SLC37A3: variants seen among roughly 807,000 people sequenced by gnomAD.
SLC37A3 encodes the protein solute carrier family 37 member 3.
SLC37A3 carries 51 observed loss-of-function variants against 67.1 expected under a neutral mutation model. The ratio of observed to expected loss-of-function variants is 0.76; its 90% CI spans 0.61 to 0.96. The LOEUF is 0.96. Ranked by LOEUF, SLC37A3 falls within the 40% of genes least tolerant of loss-of-function variation. SLC37A3 has a pLI of 0.00. For synonymous variants in SLC37A3, 214 were observed against 231.4 expected, an observed-to-expected ratio of 0.92 and a Z score of 0.68; for missense variants, 508 against 603.0, an observed-to-expected ratio of 0.84 and a Z score of 1.65.
At chr7:140,347,168 T>G (rs957950608) in intron 10 of SLC37A3, among the ~76,000 whole-genome samples, 1 of 151,226 alleles carries the variant, frequency 6.6e-6, no homozygotes, top group Non-Finnish European at 1.5e-5. Flanking sequence ...GGAGGATCGC[T>G]TGAGCCCAGG....
At chr7:140,386,387 C>G (rs1481838879) in intron 1 of SLC37A3, among the ~76,000 whole-genome samples, 1 of 151,768 alleles carries the variant, frequency 6.6e-6, no homozygotes, top group African/African-American at 2.4e-5. Context: ...TTTAAACATT[C>G]ACCTGCTGTG....
chr7:140,343,291 G>T, intron 13 of SLC37A3, 121 bp downstream of exon 13: 1 of 1,387,072 alleles, frequency 7.2e-7, no homozygotes, highest in Non-Finnish European at 1.0e-6. Context: ...AAGTCCTTGG[G>T]CTCTGGGAAC....
chr7:140,362,565 G>A (rs1203118672), intron 5 of SLC37A3, among the ~76,000 whole-genome samples: 6 of 105,052 alleles, frequency 5.7e-5, no homozygotes, highest in Non-Finnish European at 8.0e-5. Context: ...TCAGCCCCCC[G>A]CCCGGCCAGC....
rs1585274110 is a variant in SLC37A3 at position 140,351,281 on chromosome 7, C to G, written c.874G>C (p.Val292Leu). The change falls in exon 9 of 15, where the codon GTC (valine) becomes CTC (leucine). Residue 292 changes from valine (V) to leucine (L), a missense_variant. Val to Leu is a conservative substitution (Grantham distance 32, BLOSUM62 1). Coordinates refer to ENST00000326232, the MANE Select transcript of SLC37A3 (RefSeq NM_207113.3). ...SFYQACCLPG[V>L]IPYSLAYACL... ...ATGTAAGCGGTCCTTACCGGTATGA[C>G]TCCAGGAAGGCAACATGCCTGGTAG... 6.2e-7 allele frequency: 1 copy of G among 1,613,906 alleles called. No homozygotes were observed. Among genetic ancestry groups the G allele is most frequent in the South Asian group, 1.1e-5 (1 of 91,070 alleles).
intron 13 of SLC37A3, 53 bp downstream of exon 13, chr7:140,343,359 A>T: frequency 6.2e-7 from 1 of 1,610,584 alleles, no homozygotes; most frequent in South Asian, 1.1e-5. Context: ...GTTCACATTC[A>T]GCCGCCTTTG....
chr7:140,385,369 G>A (rs1798409990), intron 1 of SLC37A3, among the ~76,000 whole-genome samples: 1 of 152,164 alleles, frequency 6.6e-6, no homozygotes, highest in East Asian at 1.9e-4. Context: ...AACTACTAGT[G>A]TTATGACTAA....
At chr7:140,347,165 C>T (rs1028206975) in intron 10 of SLC37A3, among the ~76,000 whole-genome samples, 1 of 141,618 alleles carries the variant, frequency 7.1e-6, no homozygotes, top group African/African-American at 2.7e-5. Flanking sequence ...TAGGGAGGAT[C>T]GCTTGAGCCC....
At chr7:140,343,775 T>C (rs58170259) in intron 12 of SLC37A3, 2 of 530,006 alleles carry the variant, frequency 3.8e-6, no homozygotes, top group East Asian at 3.5e-5. Context: ...CTCTAGTATA[T>C]TTTGTAGAAC....
At chr7:140,377,680 G>A (rs1366068587) in intron 3 of SLC37A3, among the ~76,000 whole-genome samples, 1 of 152,054 alleles carries the variant, frequency 6.6e-6, no homozygotes, top group African/African-American at 2.4e-5. Context: ...ATGCTATTTA[G>A]AGCACTTAAG....
intron 1 of SLC37A3, among the ~76,000 whole-genome samples, chr7:140,385,918 C>G (rs1311724214): frequency 2.6e-5 from 4 of 151,996 alleles, no homozygotes; most frequent in East Asian, 3.9e-4. Flanking sequence ...GAGTAGCTGG[C>G]ATTGCAGGCG....
At chr7:140,354,621 C>A (rs1015821865) in intron 7 of SLC37A3, among the ~76,000 whole-genome samples, 1 of 151,980 alleles carries the variant, frequency 6.6e-6, no homozygotes, top group Admixed American at 6.6e-5. Context: ...ACAAGCCATT[C>A]CTACATGCTT....
chr7:140,360,135 C>T (rs1797208019), intron 5 of SLC37A3, among the ~76,000 whole-genome samples: 1 of 152,092 alleles, frequency 6.6e-6, no homozygotes, highest in Non-Finnish European at 1.5e-5. Flanking sequence ...TCACTTAAGG[C>T]CAGGAGTTCA....
At chr7:140,355,388 T>G (rs1796981840) in intron 7 of SLC37A3, among the ~76,000 whole-genome samples, 1 of 152,082 alleles carries the variant, frequency 6.6e-6, no homozygotes, top group Non-Finnish European at 1.5e-5. Context: ...ATTTTTGTAT[T>G]TTTTGAGTAG....
chr7:140,347,774 CACT>C (rs1796624397), intron 10 of SLC37A3, among the ~76,000 whole-genome samples: 2 of 149,220 alleles, frequency 1.3e-5, no homozygotes, highest in African/African-American at 5.0e-5. Context: ...AAAAAAAAAC[CACT>C]ATTAAAATCT....
chr7:140,369,200 A>G (rs1209659771), intron 4 of SLC37A3, among the ~76,000 whole-genome samples: 1 of 152,130 alleles, frequency 6.6e-6, no homozygotes, highest in Non-Finnish European at 1.5e-5. Flanking sequence ...CGGCTGTGCT[A>G]CTTAAAATTA....
intron 4 of SLC37A3, among the ~76,000 whole-genome samples, chr7:140,366,634 C>T (rs1204764032): frequency 6.6e-6 from 1 of 152,162 alleles, no homozygotes; most frequent in Non-Finnish European, 1.5e-5. Flanking sequence ...AGTTAGACTA[C>T]ACTGCCTCTT....
chr7:140,380,952 A>C (rs1279556186), intron 2 of SLC37A3, among the ~76,000 whole-genome samples: 1 of 143,256 alleles, frequency 7.0e-6, no homozygotes, highest in East Asian at 2.1e-4. Context: ...GCTGGAGTGC[A>C]GTGCTGTGAT....
At chr7:140,351,872 A>G in intron 8 of SLC37A3, 190 bp downstream of exon 8, 2 of 699,874 alleles carry the variant, frequency 2.9e-6, no homozygotes, top group Non-Finnish European at 5.1e-6. Flanking sequence ...ACTCCCCTCA[A>G]ACACGTCCAG....
intron 5 of SLC37A3, among the ~76,000 whole-genome samples, chr7:140,362,123 G>A (rs1389449757): frequency 7.2e-6 from 1 of 138,116 alleles, no homozygotes; most frequent in Non-Finnish European, 1.6e-5. Context: ...CTTCCCGGCC[G>A]CCATCCCATC....
Sources: gnomAD v4.1 joint callset for allele counts (sites outside exome capture counted in the v4.1 genomes callset) on GRCh38, gnomAD v4.1.1 for gene constraint, MANE v1.5 for transcripts, NCBI Gene and HGNC (gene_info 2026-07-23, HGNC 2026-07-21) for gene names.